ITGA1: variants seen among roughly 807,000 people sequenced by gnomAD.
The protein encoded by ITGA1 is integrin alpha-1.
Under a neutral mutation model 145.9 loss-of-function variants are expected in ITGA1, and 85 were observed. The observed-to-expected ratio is 0.58, with a 90% CI of 0.49 to 0.70. The LOEUF is 0.70. ITGA1 is among the 30% of genes least tolerant of loss of function. ITGA1 has a pLI of 0.00. For synonymous variants in ITGA1, 520 were observed against 495.3 expected, an observed-to-expected ratio of 1.05 and a Z score of -0.66; for missense variants, 1,351 against 1,418.7, an observed-to-expected ratio of 0.95 and a Z score of 0.77.
intron 1 of ITGA1, among the ~76,000 whole-genome samples, chr5:52,790,145 A>T (rs6863805): frequency 0.69 from 105,528 of 152,044 alleles, 38,067 homozygotes; most frequent in Non-Finnish European, 0.79. Flanking sequence ...TCATCACCAT[A>T]CTTATCCATG....
At chr5:52,851,997 A>G (rs1438951275) in intron 2 of ITGA1, among the ~76,000 whole-genome samples, 1 of 152,244 alleles carries the variant, frequency 6.6e-6, no homozygotes, top group Non-Finnish European at 1.5e-5. Context: ...CCAGTGCAGA[A>G]TAGACTATAA....
At chr5:52,921,014 T>A (rs1165344951) in intron 17 of ITGA1, among the ~76,000 whole-genome samples, 2 of 151,622 alleles carry the variant, frequency 1.3e-5, no homozygotes, top group Non-Finnish European at 2.9e-5. Flanking sequence ...TTTTAGTGGA[T>A]GAGGGAGTTT....
intron 2 of ITGA1, among the ~76,000 whole-genome samples, chr5:52,852,074 T>G (rs1749439673): frequency 6.6e-6 from 1 of 152,162 alleles, no homozygotes; most frequent in South Asian, 2.1e-4. Flanking sequence ...GAAAGATGAC[T>G]TAACTTTCAA....
At chr5:52,944,246 C>T (rs1193537418) in intron 26 of ITGA1, among the ~76,000 whole-genome samples, 3 of 152,174 alleles carry the variant, frequency 2.0e-5, no homozygotes, top group Non-Finnish European at 4.4e-5. Context: ...TGCCAGCTCA[C>T]ACATCCATTG....
At chr5:52,912,538 GTAT>G (rs1273428854) in intron 14 of ITGA1, among the ~76,000 whole-genome samples, 4 of 127,624 alleles carry the variant, frequency 3.1e-5, no homozygotes, top group Non-Finnish European at 6.6e-5. Context: ...TCCACTATAG[GTAT>G]TATATATAGT....
At chr5:52,902,955 A>G (rs1750339868) in intron 11 of ITGA1, 1 of 152,062 alleles carries the variant, frequency 6.6e-6, no homozygotes, top group African/African-American at 2.4e-5. Context: ...TTCTTTTAAA[A>G]TTAGGCTTTA....
chr5:52,793,296 T>G (rs1748276909), intron 1 of ITGA1, among the ~76,000 whole-genome samples: 1 of 152,102 alleles, frequency 6.6e-6, no homozygotes, highest in Admixed American at 6.5e-5. Context: ...AATTGACTAT[T>G]GACAAACTCA....
At chr5:52,814,079 G>A (rs6877671) in intron 1 of ITGA1, among the ~76,000 whole-genome samples, 39,853 of 151,946 alleles carry the variant, frequency 0.26, 5,476 homozygotes, top group Non-Finnish European at 0.3. Context: ...ACTGTTTTAT[G>A]TAGCCCTGTT....
chr5:52,913,558 A>C (rs185829536), intron 14 of ITGA1, among the ~76,000 whole-genome samples: 14 of 152,304 alleles, frequency 9.2e-5, no homozygotes, highest in African/African-American at 3.1e-4. Context: ...AAAGTGCTTA[A>C]TGCACTACAC....
intron 27 of ITGA1, among the ~76,000 whole-genome samples, chr5:52,945,391 G>A (rs903480608): frequency 3.7e-4 from 57 of 152,256 alleles, no homozygotes; most frequent in Admixed American, 1.5e-3. Flanking sequence ...TATCTGAAGA[G>A]CAGCCGCAAA....
Position 52,910,326 on chromosome 5 carries a change from C to T in ITGA1, c.1764C>T (p.Asp588=), listed in dbSNP as rs1448129486. Residue 588 remains aspartate, a synonymous_variant, in exon 14 of 29, where the codon GAC becomes GAT. Transcript: ENST00000282588. Reference sequence around the variant, plus strand: ...ACCTCAATCTTGATGGATTTAATGACATCGTGATAGGAGCTCCGCTGGAAG... The same window carrying T: ...ACCTCAATCTTGATGGATTTAATGATATCGTGATAGGAGCTCCGCTGGAAG... ...VKDLNLDGFN[D]IVIGAPLEDD... 4.3e-6 allele frequency: 7 copies of T among 1,613,798 alleles called. No individual in the cohort carries two copies. The highest frequency in any genetic ancestry group is 1.6e-4 in the Middle Eastern group (1 of 6,082).
chr5:52,915,457 C>A lies in ITGA1; in HGVS notation c.1858-7C>A. Reference sequence around the variant, plus strand: ...CATATGAAACTCTTTTTTTTGGATTCTCACAGCGTATTCCATCAGGTGGGG... The same window carrying A: ...CATATGAAACTCTTTTTTTTGGATTATCACAGCGTATTCCATCAGGTGGGG... On this transcript the variant is annotated splice_polypyrimidine_tract_variant and splice_region_variant and intron_variant, in intron 14 of 28. Coordinates refer to ENST00000282588, the MANE Select transcript of ITGA1 (RefSeq NM_181501.2). The A allele has an allele frequency of 6.2e-7, 1 of 1,608,002 alleles. No homozygotes were observed. Among genetic ancestry groups the A allele is most frequent in the Non-Finnish European group, 8.5e-7 (1 of 1,178,144 alleles).
intron 7 of ITGA1, 117 bp downstream of exon 7, chr5:52,882,138 T>TAAAC: frequency 1.2e-6 from 1 of 809,536 alleles, no homozygotes; most frequent in Non-Finnish European, 1.8e-6. Flanking sequence ...CCATTTTGTT[T>TAAAC]AAAATGAGAT....
Position 52,932,062 on chromosome 5 carries a change from T to C in ITGA1, c.2787T>C (p.Pro929=), listed in dbSNP as rs771902180. 14 of 1,606,472 alleles carry C rather than the reference T, an allele frequency of 8.7e-6. No homozygotes were observed. Among genetic ancestry groups the C allele is most frequent in the African/African-American group, 2.7e-5 (2 of 74,718 alleles). ...TATTTTCTAGTGACAGCGAAGAACC[T>C]CCTGAAACCCTTTCTGATAATGTAG... ...YLSATSDSEE[P]PETLSDNVVN... Residue 929 remains proline, a synonymous_variant, in exon 22 of 29, where the codon CCT becomes CCC. Transcript: ENST00000282588.
intron 1 of ITGA1, among the ~76,000 whole-genome samples, chr5:52,837,470 T>C (rs1749178098): frequency 6.6e-6 from 1 of 152,114 alleles, no homozygotes; most frequent in South Asian, 2.1e-4. Context: ...TCTAAAAACA[T>C]ATAAAGTTAA....
At chr5:52,928,477 G>A (rs76930550) in intron 20 of ITGA1, among the ~76,000 whole-genome samples, 141 of 152,242 alleles carry the variant, frequency 9.3e-4, no homozygotes, top group African/African-American at 3.3e-3. Context: ...GTATTTCAGT[G>A]GGTTTTAGTA....
Position 52,819,350 on chromosome 5 carries a change from C to G in ITGA1, c.62-30015C>G, listed in dbSNP as rs562894233. Among the ~76,000 whole-genome samples, 107 of 152,178 alleles carry G rather than the reference C, an allele frequency of 7.0e-4. 2 individuals carry two copies. In the South Asian group the frequency reaches 0.01, roughly 15 times the overall value. On this transcript the variant is annotated intron_variant, in intron 1 of 28. Transcript: ENST00000282588. ...TAATGATCGCCATTCTAACTGGTGT[C>G]AGATGGTATCTCATTGTGGTTTTGA... is the stretch of plus-strand genomic sequence containing the variant.
chr5:52,811,240 C>A (rs1027793077), intron 1 of ITGA1, among the ~76,000 whole-genome samples: 1 of 152,184 alleles, frequency 6.6e-6, no homozygotes, highest in Non-Finnish European at 1.5e-5. Flanking sequence ...ACTCATGACA[C>A]CAGGCCCTGC....
intron 1 of ITGA1, among the ~76,000 whole-genome samples, chr5:52,791,405 AC>A (rs1748236583): frequency 6.6e-6 from 1 of 152,120 alleles, no homozygotes; most frequent in African/African-American, 2.4e-5. Context: ...TGGCCATTAG[AC>A]TGGAGTTGTG....
Sources: gnomAD v4.1 joint callset for allele counts (sites outside exome capture counted in the v4.1 genomes callset) on GRCh38, gnomAD v4.1.1 for gene constraint, MANE v1.5 for transcripts, NCBI Gene and HGNC (gene_info 2026-07-23, HGNC 2026-07-21) for gene names.